Variants in ITGB3BP observed in about 807,000 individuals in gnomAD.
ITGB3BP encodes centromere protein R.
A neutral mutation model predicts 29.1 loss-of-function variants in ITGB3BP; 27 were observed. The observed-to-expected ratio is 0.93, with a 90% confidence interval of 0.68 to 1.28. The LOEUF is 1.28. ITGB3BP is among the 50% of genes most tolerant of loss of function. The pLI is 0.00. For missense variants in ITGB3BP, 192 were observed against 200.2 expected, an observed-to-expected ratio of 0.96 and a Z score of 0.25; for synonymous variants, 61 against 61.4, an observed-to-expected ratio of 0.99 and a Z score of 0.03.
At chr1:63,506,968 T>C (rs1402652928) in intron 2 of ITGB3BP, among the ~76,000 whole-genome samples, 3 of 152,204 alleles carry the variant, frequency 2.0e-5, no homozygotes, top group African/African-American at 4.8e-5. Flanking sequence ...GGGAGCCAGG[T>C]TGCTTCAGGG....
chr1:63,524,359 G>GT (rs2100853416), upstream of ITGB3BP, among the ~76,000 whole-genome samples: 1 of 152,320 alleles, frequency 6.6e-6, no homozygotes, highest in South Asian at 2.1e-4. Context: ...CCACATCCCT[G>GT]TGGGGTCCTT....
intron 1 of ITGB3BP, among the ~76,000 whole-genome samples, chr1:63,514,364 G>A (rs1646264699): frequency 1.3e-5 from 2 of 152,014 alleles, no homozygotes; most frequent in South Asian, 2.1e-4. Flanking sequence ...TAGCTATACT[G>A]CATTCAGTTT....
chr1:63,484,644 C>T (rs891033580), intron 3 of ITGB3BP, among the ~76,000 whole-genome samples: 3 of 152,012 alleles, frequency 2.0e-5, no homozygotes, highest in Non-Finnish European at 4.4e-5. Flanking sequence ...GTGAGACTTC[C>T]TCTGTAACTC....
chr1:63,508,315 T>C (rs1272251434), intron 2 of ITGB3BP, among the ~76,000 whole-genome samples: 1 of 152,090 alleles, frequency 6.6e-6, no homozygotes, highest in Non-Finnish European at 1.5e-5. Context: ...GCTTCTTAAC[T>C]GAACACCTCA....
At chr1:63,466,701 A>T (rs9436235) in intron 4 of ITGB3BP, among the ~76,000 whole-genome samples, 111,499 of 152,094 alleles carry the variant, frequency 0.73, 42,957 homozygotes, top group Non-Finnish European at 0.85. Context: ...TAGTCTTCAA[A>T]TATCATTGCA....
At chr1:63,474,297 A>G (rs1271039015) in intron 4 of ITGB3BP, among the ~76,000 whole-genome samples, 4 of 142,986 alleles carry the variant, frequency 2.8e-5, no homozygotes, top group Non-Finnish European at 4.7e-5. Flanking sequence ...CCGCCCGGCC[A>G]GCCGCCCCAT....
At chr1:63,498,549 T>C (rs1464092629) in intron 2 of ITGB3BP, among the ~76,000 whole-genome samples, 1 of 151,988 alleles carries the variant, frequency 6.6e-6, no homozygotes, top group African/African-American at 2.4e-5. Context: ...TAATGGGATG[T>C]AGTGAAAGTG....
chr1:63,507,851 T>G (rs1250950065), intron 2 of ITGB3BP, among the ~76,000 whole-genome samples: 2 of 152,188 alleles, frequency 1.3e-5, no homozygotes, highest in African/African-American at 4.8e-5. Flanking sequence ...TTAATTTACT[T>G]TCTCACCAAT....
intron 4 of ITGB3BP, among the ~76,000 whole-genome samples, chr1:63,478,347 C>T (rs1156939432): frequency 2.0e-5 from 3 of 152,176 alleles, no homozygotes; most frequent in South Asian, 2.1e-4. Context: ...ATTGGTTGCT[C>T]GCATGTAGGC....
At chr1:63,507,630 C>G (rs918478359) in intron 2 of ITGB3BP, among the ~76,000 whole-genome samples, 2 of 152,180 alleles carry the variant, frequency 1.3e-5, no homozygotes, top group African/African-American at 4.8e-5. Context: ...GCTAATTATA[C>G]TGTTAATGAT....
upstream of ITGB3BP, among the ~76,000 whole-genome samples, chr1:63,527,615 A>G (rs1022581813): frequency 9.2e-5 from 14 of 152,212 alleles, no homozygotes; most frequent in Admixed American, 6.5e-4. Flanking sequence ...CAGCTACGTG[A>G]TATTTTTACT....
chr1:63,522,496 T>C (rs61765260), intron 1 of ITGB3BP, among the ~76,000 whole-genome samples: 2,431 of 152,260 alleles, frequency 0.016, 28 homozygotes, highest in Non-Finnish European at 0.022. Flanking sequence ...ATTTTATGCA[T>C]CTCAATATAG....
chr1:63,525,495 G>A, upstream of ITGB3BP: 1 of 1,171,820 alleles, frequency 8.5e-7, no homozygotes, highest in East Asian at 2.8e-5. Context: ...TCTCCTCCCT[G>A]TATTTGAAAG....
chr1:63,520,269 T>G (rs1174109102), intron 1 of ITGB3BP, among the ~76,000 whole-genome samples: 2 of 152,136 alleles, frequency 1.3e-5, no homozygotes, highest in Non-Finnish European at 1.5e-5. Flanking sequence ...GGACACTGAG[T>G]AACAATCTAA....
chr1:63,500,020 T>C (rs918929071), intron 2 of ITGB3BP, among the ~76,000 whole-genome samples: 7 of 152,146 alleles, frequency 4.6e-5, no homozygotes, highest in African/African-American at 1.7e-4. Context: ...ATAAAAGGCG[T>C]AGATTGCAAA....
chr1:63,491,985 C>T (rs1645658646), intron 2 of ITGB3BP, among the ~76,000 whole-genome samples: 1 of 152,068 alleles, frequency 6.6e-6, no homozygotes. Flanking sequence ...GAATTTATTG[C>T]CCAGAACTAC....
intron 7 of ITGB3BP, chr1:63,451,611 A>G (rs1324794780): frequency 1.3e-5 from 2 of 151,996 alleles, no homozygotes; most frequent in East Asian, 1.9e-4. Flanking sequence ...GTACATAATC[A>G]TTAACCAAAA....
chr1:63,445,648 T>TG (rs35452667), intron 8 of ITGB3BP, among the ~76,000 whole-genome samples: 40,024 of 150,860 alleles, frequency 0.27, 7,387 homozygotes, highest in African/African-American at 0.53. Flanking sequence ...TCACCCAGGC[T>TG]GAGTGCAGTG....
At chr1:63,457,409 T>G (rs903732677) in intron 4 of ITGB3BP, 1 of 152,162 alleles carries the variant, frequency 6.6e-6, no homozygotes, top group African/African-American at 2.4e-5. Flanking sequence ...GAGAGCCCTT[T>G]TCTGTATTTT....
Sources: allele counts gnomAD v4.1 joint callset (sites outside exome capture counted in the v4.1 genomes callset), GRCh38; gene constraint gnomAD v4.1.1; transcripts MANE v1.5; gene names NCBI Gene and HGNC (gene_info 2026-07-23, HGNC 2026-07-21).